COX7B2: variants seen among roughly 807,000 people sequenced by gnomAD.
The protein encoded by COX7B2 is cytochrome c oxidase subunit 7B2, also known as cytochrome c oxidase subunit 7B2, mitochondrial.
For missense variants in COX7B2, 109 were observed against 95.9 expected (o/e 1.14, Z -0.57); for synonymous variants, 37 against 32.1 (o/e 1.15, Z -0.51).
intron 2 of COX7B2, among the ~76,000 whole-genome samples, chr4:46,777,769 GT>G (rs1717239008): frequency 6.6e-6 from 1 of 152,128 alleles, no homozygotes. Context: ...ATTGCAGCTG[GT>G]TCAGTCCTTA....
chr4:46,737,982 A>T (rs1257202530), intron 2 of COX7B2, among the ~76,000 whole-genome samples: 2 of 152,160 alleles, frequency 1.3e-5, no homozygotes, highest in South Asian at 2.1e-4. Flanking sequence ...ATATTAAAAA[A>T]TGTTTCCTGT....
intron 1 of COX7B2, among the ~76,000 whole-genome samples, chr4:46,869,847 T>C (rs1434432231): frequency 2.6e-5 from 4 of 152,138 alleles, no homozygotes; most frequent in African/African-American, 9.7e-5. Flanking sequence ...GATGATTATG[T>C]GTCTTGGGGA....
At chr4:46,792,619 CTTTCCTAGG>C (rs1718111865) in intron 2 of COX7B2, among the ~76,000 whole-genome samples, 2 of 152,216 alleles carry the variant, frequency 1.3e-5, no homozygotes, top group Non-Finnish European at 2.9e-5. Context: ...ACACCACAAG[CTTTCCTAGG>C]TCTCCAGTTT....
intron 2 of COX7B2, among the ~76,000 whole-genome samples, chr4:46,808,413 A>G (rs552748405): frequency 6.6e-6 from 1 of 151,828 alleles, no homozygotes; most frequent in South Asian, 2.1e-4. Context: ...TATTAGTTCT[A>G]TGAGTTTTTT....
chr4:46,875,364 C>T (rs1198755408), intron 1 of COX7B2, among the ~76,000 whole-genome samples: 1 of 152,130 alleles, frequency 6.6e-6, no homozygotes, highest in Non-Finnish European at 1.5e-5. Flanking sequence ...TAACCCTTTG[C>T]ATTTTTTCTT....
intron 2 of COX7B2, among the ~76,000 whole-genome samples, chr4:46,809,334 C>A (rs939312720): frequency 9.9e-5 from 15 of 151,348 alleles, no homozygotes; most frequent in African/African-American, 3.4e-4. Context: ...CTAGTTTGTT[C>A]TTTTTCTAGT....
At chr4:46,862,714 T>G (rs894787877) in intron 1 of COX7B2, among the ~76,000 whole-genome samples, 6 of 152,220 alleles carry the variant, frequency 3.9e-5, no homozygotes, top group Non-Finnish European at 7.3e-5. Context: ...AGATTCTTAT[T>G]AGGTGTTCAC....
At chr4:46,816,159 T>C (rs1217813797) in intron 2 of COX7B2, among the ~76,000 whole-genome samples, 1 of 152,208 alleles carries the variant, frequency 6.6e-6, no homozygotes, top group Non-Finnish European at 1.5e-5. Context: ...AATTATTGTG[T>C]TTCTGAATAT....
chr4:46,843,955 G>A (rs912469730), intron 2 of COX7B2, among the ~76,000 whole-genome samples: 1 of 151,946 alleles, frequency 6.6e-6, no homozygotes, highest in Non-Finnish European at 1.5e-5. Context: ...TAATAAATAA[G>A]AGTCCTATTT....
chr4:46,861,026 T>A (rs1717304163), intron 1 of COX7B2, among the ~76,000 whole-genome samples: 1 of 152,184 alleles, frequency 6.6e-6, no homozygotes, highest in Admixed American at 6.5e-5. Context: ...TCAGATGCTC[T>A]GGCGTTTTCA....
chr4:46,747,365 G>A (rs988273579), intron 2 of COX7B2, among the ~76,000 whole-genome samples: 4 of 151,838 alleles, frequency 2.6e-5, no homozygotes, highest in Middle Eastern at 3.4e-3. Context: ...GGGCAATGGT[G>A]CAATCTCGGC....
intron 2 of COX7B2, among the ~76,000 whole-genome samples, chr4:46,766,446 T>A (rs1295972166): frequency 6.6e-6 from 1 of 152,008 alleles, no homozygotes; most frequent in African/African-American, 2.4e-5. Flanking sequence ...ATGCCTGTAG[T>A]CCCAGCACTT....
chr4:46,789,313 A>C (rs529251339), intron 2 of COX7B2, among the ~76,000 whole-genome samples: 1 of 152,324 alleles, frequency 6.6e-6, no homozygotes, highest in East Asian at 1.9e-4. Context: ...AAACAAGTCT[A>C]TGGAATCATA....
At chr4:46,775,399 C>T (rs1717102430) in intron 2 of COX7B2, among the ~76,000 whole-genome samples, 1 of 152,064 alleles carries the variant, frequency 6.6e-6, no homozygotes, top group Non-Finnish European at 1.5e-5. Context: ...ATGACTAAAT[C>T]TTTCATCATG....
chr4:46,849,046 G>A (rs985617565), intron 1 of COX7B2, among the ~76,000 whole-genome samples: 1 of 151,950 alleles, frequency 6.6e-6, no homozygotes, highest in African/African-American at 2.4e-5. Flanking sequence ...GTCTGTACAT[G>A]TCAGTACAGT....
chr4:46,821,756 A>G (rs1714308906), intron 2 of COX7B2, among the ~76,000 whole-genome samples: 1 of 152,236 alleles, frequency 6.6e-6, no homozygotes, highest in Non-Finnish European at 1.5e-5. Context: ...GAAGATTATA[A>G]TGAAATGTTA....
Position 46,857,353 on chromosome 4 carries a change from C to CA in COX7B2, c.-104-12340dup, listed in dbSNP as rs796406159. The stretch of plus-strand genomic sequence containing the variant: ...ATGGAAAACATTTTTCAGTGAAATC[C>CA]ATTTAATTTGTTTTACAAATATCAT... On this transcript the variant is annotated intron_variant, in intron 1 of 2. Coordinates refer to ENST00000355591, the MANE Select transcript of COX7B2 (RefSeq NM_130902.3). Among the ~76,000 whole-genome samples, 23 of 152,260 alleles carry CA rather than the reference C, an allele frequency of 1.5e-4. No homozygotes were observed. The East Asian group carries it at 3.7e-3, about 24-fold the overall frequency.
intron 1 of COX7B2, among the ~76,000 whole-genome samples, chr4:46,866,647 G>A (rs1477704536): frequency 6.6e-6 from 1 of 152,104 alleles, no homozygotes; most frequent in East Asian, 1.9e-4. Context: ...TTGCCTACCT[G>A]AGACAACCCT....
At chr4:46,751,599 A>G (rs1225036930) in intron 2 of COX7B2, among the ~76,000 whole-genome samples, 2 of 152,158 alleles carry the variant, frequency 1.3e-5, no homozygotes, top group African/African-American at 4.8e-5. Flanking sequence ...GCTATTTAGC[A>G]ACCACAAGCC....
Sources: allele counts gnomAD v4.1 joint callset (sites outside exome capture counted in the v4.1 genomes callset), GRCh38; gene constraint gnomAD v4.1.1; transcripts MANE v1.5; gene names NCBI Gene and HGNC (gene_info 2026-07-23, HGNC 2026-07-21).